Variants in DPY19L2 observed in about 807,000 individuals in gnomAD.
DPY19L2 encodes the protein probable C-mannosyltransferase DPY19L2.
DPY19L2 carries 34 observed loss-of-function variants against 97.9 expected under a neutral mutation model. The ratio of observed to expected loss-of-function variants is 0.35; its 90% CI spans 0.26 to 0.46. The LOEUF (loss-of-function observed/expected upper bound fraction) is 0.46. DPY19L2 is among the 20% of genes least tolerant of loss of function. The probability of loss-of-function intolerance (pLI) is 1.00; values close to 1 mark genes in which losing one functional copy is unlikely to be tolerated. For missense variants in DPY19L2, 623 were observed against 911.4 expected, an observed-to-expected ratio of 0.68 and a Z score of 4.07; for synonymous variants, 230 against 307.9, an observed-to-expected ratio of 0.75 and a Z score of 2.65.
rs760530857 is a variant in DPY19L2, at chr12:63,560,655, A to T, written c.2134T>A (p.Cys712Ser). 2 of 1,613,990 alleles carry T rather than the reference A, an allele frequency of 1.2e-6. No individual in the cohort carries two copies. The highest frequency in any genetic ancestry group is 1.7e-6 in the Non-Finnish European group (2 of 1,179,904). ...ACATCCCAGATTTCAAGCATACTGC[A>T]ACCAGGCCTGAAAAAAGACAGACAT... ...AWCVVRTKPG[C>S]SMLEIWDVED... Residue 712 changes from cysteine (C) to serine (S), a missense_variant, in exon 22 of 22, where the codon TGC (cysteine) becomes AGC (serine). By Grantham distance (112) the Cys-to-Ser change is moderately radical (BLOSUM62 -1). This residue lies in a region of DPY19L2 where 294 missense variants were observed against 446.2 expected (regional missense o/e 0.66). Coordinates refer to ENST00000324472, the MANE Select transcript of DPY19L2 (RefSeq NM_173812.5).
chr12:63,563,513 G>A (rs1338564394), intron 21 of DPY19L2, among the ~76,000 whole-genome samples: 8 of 152,142 alleles, frequency 5.3e-5, no homozygotes, highest in Non-Finnish European at 1.0e-4. Context: ...ACTATGATGC[G>A]CGATGATGCG....
rs557534898 is a variant in DPY19L2, at chr12:63,585,276, T to C, written c.1581-1440A>G. 1.5e-4 allele frequency among the ~76,000 whole-genome samples: 23 copies of C among 152,242 alleles called. 1 individual carries two copies. The East Asian group carries it at 4.4e-3, about 29-fold the overall frequency. ...TATAGCCTGCAGGGGCATTCTAATATGGATTTTGGGGGTGAAGAGAGAAAT... is the reference window on the plus strand; with the variant it reads ...TATAGCCTGCAGGGGCATTCTAATACGGATTTTGGGGGTGAAGAGAGAAAT... On this transcript the variant is annotated intron_variant, in intron 16 of 21. Coordinates refer to ENST00000324472, the MANE Select transcript of DPY19L2 (RefSeq NM_173812.5).
intron 4 of DPY19L2, among the ~76,000 whole-genome samples, chr12:63,652,798 G>C (rs12308996): frequency 6.6e-6 from 1 of 151,924 alleles, no homozygotes; most frequent in Non-Finnish European, 1.5e-5. Context: ...AGGAGGGTGA[G>C]GACTGAATAA....
intron 6 of DPY19L2, among the ~76,000 whole-genome samples, chr12:63,636,560 C>G (rs1157878459): frequency 6.7e-6 from 1 of 149,824 alleles, no homozygotes; most frequent in African/African-American, 2.5e-5. Context: ...CACATAGGCT[C>G]AAAAAAAAGG....
At chr12:63,574,806 T>C (rs187261219) in intron 19 of DPY19L2, among the ~76,000 whole-genome samples, 101 of 152,038 alleles carry the variant, frequency 6.6e-4, no homozygotes, top group African/African-American at 2.3e-3. Context: ...CCCGGATATA[T>C]AAAGCAAATA....
At chr12:63,567,162 C>T (rs1236132159) in intron 21 of DPY19L2, among the ~76,000 whole-genome samples, 8 of 152,110 alleles carry the variant, frequency 5.3e-5, no homozygotes, top group African/African-American at 1.2e-4. Context: ...CTTCTCCTCC[C>T]TACCCTTCCC....
chr12:63,580,869 T>A (rs750237835), intron 18 of DPY19L2, 33 bp from the exon 19 acceptor site: 23 of 1,602,100 alleles, frequency 1.4e-5, no homozygotes, highest in Non-Finnish European at 1.8e-5. Context: ...TTTCTAGTTC[T>A]TATATGAAGA....
intron 6 of DPY19L2, among the ~76,000 whole-genome samples, chr12:63,638,782 G>A (rs1311861214): frequency 6.6e-6 from 1 of 152,036 alleles, no homozygotes; most frequent in Non-Finnish European, 1.5e-5. Flanking sequence ...TACTGCCCAA[G>A]GTAATTTATA....
At chr12:63,587,505 T>A (rs1379169620) in intron 16 of DPY19L2, among the ~76,000 whole-genome samples, 42 of 151,030 alleles carry the variant, frequency 2.8e-4, no homozygotes, top group Non-Finnish European at 5.9e-5. Flanking sequence ...GATAGCAAGT[T>A]AATTTTAAAG....
intron 6 of DPY19L2, among the ~76,000 whole-genome samples, chr12:63,627,238 T>G (rs1889713362): frequency 6.6e-6 from 1 of 152,222 alleles, no homozygotes; most frequent in Non-Finnish European, 1.5e-5. Context: ...AACTTAGAAC[T>G]GTCTAAACTA....
intron 5 of DPY19L2, among the ~76,000 whole-genome samples, chr12:63,645,685 CCT>C (rs1317259988): frequency 6.6e-6 from 1 of 152,130 alleles, no homozygotes; most frequent in Admixed American, 6.6e-5. Flanking sequence ...CTCACCTTCT[CCT>C]CTCTTACCAA....
intron 12 of DPY19L2, among the ~76,000 whole-genome samples, chr12:63,605,195 G>A (rs900670200): frequency 6.6e-6 from 1 of 152,118 alleles, no homozygotes. Flanking sequence ...TGAGGTGGAG[G>A]GTGAGAGACA....
At position 63,655,899 on chromosome 12, in the gene DPY19L2, C is replaced by A. The variant is rs139283625; in HGVS notation, c.588+5445G>T. Reference sequence around the variant, plus strand: ...AGCAATTGCAAATACCCTTGCTAACCCATACTAGGCATTTACCGACTGACT... The same window carrying A: ...AGCAATTGCAAATACCCTTGCTAACACATACTAGGCATTTACCGACTGACT... On this transcript the variant is annotated intron_variant, in intron 4 of 21. Transcript: ENST00000324472. Among the ~76,000 whole-genome samples, 56 of 152,224 alleles carry A rather than the reference C, an allele frequency of 3.7e-4. 1 individual carries two copies. Among genetic ancestry groups the A allele is most frequent in the African/African-American group, 1.3e-3 (52 of 41,536 alleles).
intron 4 of DPY19L2, among the ~76,000 whole-genome samples, chr12:63,653,233 A>AG (rs1565845263): frequency 6.6e-6 from 1 of 151,638 alleles, no homozygotes; most frequent in Non-Finnish European, 1.5e-5. Context: ...GGAAGGAGAC[A>AG]GGAAAGAGGC....
intron 6 of DPY19L2, among the ~76,000 whole-genome samples, chr12:63,638,963 G>A (rs530402419): frequency 4.7e-4 from 71 of 152,130 alleles, no homozygotes; most frequent in African/African-American, 1.5e-3. Context: ...ATACTACAAG[G>A]CTACAGTAAC....
intron 20 of DPY19L2, among the ~76,000 whole-genome samples, chr12:63,569,774 A>C (rs543828496): frequency 6.6e-6 from 1 of 152,300 alleles, no homozygotes; most frequent in South Asian, 2.1e-4. Context: ...TATCAAGTAG[A>C]ACACTTAGAC....
At chr12:63,620,861 C>T (rs2659956) in intron 9 of DPY19L2, among the ~76,000 whole-genome samples, 60,405 of 151,698 alleles carry the variant, frequency 0.4, 12,011 homozygotes, top group South Asian at 0.46. Flanking sequence ...ATATACACCA[C>T]GGAATACTAT....
chr12:63,631,281 T>C (rs771015229), intron 6 of DPY19L2, among the ~76,000 whole-genome samples: 38 of 152,062 alleles, frequency 2.5e-4, no homozygotes, highest in Non-Finnish European at 4.4e-4. Context: ...ATCCAGGAGC[T>C]GGTTTTTGGG....
chr12:63,584,616 C>G (rs7976364), intron 16 of DPY19L2, among the ~76,000 whole-genome samples: 29,625 of 152,048 alleles, frequency 0.19, 4,200 homozygotes, highest in African/African-American at 0.41. Flanking sequence ...TATCCATGCT[C>G]TATACGTCAC....
Sources: allele counts gnomAD v4.1 joint callset (sites outside exome capture counted in the v4.1 genomes callset), GRCh38; gene constraint gnomAD v4.1.1; regional missense constraint gnomAD v4.1.1; transcripts MANE v1.5; gene names NCBI Gene and HGNC (gene_info 2026-07-23, HGNC 2026-07-21).